Variants in EVC observed in about 807,000 individuals in gnomAD.
EVC encodes the protein EvC ciliary complex subunit 1, also known as evC complex member EVC.
EVC carries 116 observed loss-of-function variants against 118.9 expected under a neutral mutation model. The ratio of observed to expected loss-of-function variants is 0.98; its 90% confidence interval spans 0.84 to 1.14. The LOEUF is 1.14. Among genes scored for constraint, EVC ranks in the 50% most tolerant of loss-of-function variants. The pLI is 0.00. For synonymous variants in EVC, 619 were observed against 534.7 expected, an observed-to-expected ratio of 1.16 and a Z score of -2.18; for missense variants, 1,401 against 1,246.4, an observed-to-expected ratio of 1.12 and a Z score of -1.87.
At chr4:5,794,345 A>ATATT (rs1560420145) in intron 13 of EVC, among the ~76,000 whole-genome samples, 37 of 52,832 alleles carry the variant, frequency 7.0e-4, no homozygotes, top group African/African-American at 1.7e-3. Flanking sequence ...TTATATACTT[A>ATATT]TATATATATT....
At chr4:5,751,065 T>C (rs897205771) in intron 8 of EVC, among the ~76,000 whole-genome samples, 2 of 152,178 alleles carry the variant, frequency 1.3e-5, no homozygotes, top group African/African-American at 4.8e-5. Flanking sequence ...AAAAAACAGC[T>C]GCCAAGACAG....
At chr4:5,770,541 A>T (rs546354916) in intron 11 of EVC, among the ~76,000 whole-genome samples, 2 of 152,178 alleles carry the variant, frequency 1.3e-5, no homozygotes, top group Non-Finnish European at 2.9e-5. Flanking sequence ...GCCTCGTAAC[A>T]TTCTAGTGGG....
chr4:5,752,076 G>A (rs1284758934), intron 8 of EVC, among the ~76,000 whole-genome samples: 1 of 152,058 alleles, frequency 6.6e-6, no homozygotes, highest in African/African-American at 2.4e-5. Flanking sequence ...TGGGGAGCAG[G>A]ACTGGCCTGT....
chr4:5,742,468 C>T lies in EVC; in HGVS notation c.801+654C>T, dbSNP rs1728745370. 6.6e-6 allele frequency among the ~76,000 whole-genome samples: 1 copy of T among 152,092 alleles called. No homozygotes were observed. The highest frequency in any genetic ancestry group is 1.5e-5 in the Non-Finnish European group (1 of 68,016). ...CAGTTTTATTTTGTATCACCATCAC[C>T]ACCACTATTACTATCACAGTTCTCT... On this transcript the variant is annotated intron_variant, in intron 6 of 20. Coordinates refer to ENST00000264956, the MANE Select transcript of EVC (RefSeq NM_153717.3). The surrounding 1 kb of genome is among the most constrained non-coding windows in gnomAD (Gnocchi z 5.2).
intron 2 of EVC, 56 bp from the exon 3 acceptor site, chr4:5,729,251 A>G (rs1399503877): frequency 1.3e-6 from 2 of 1,565,278 alleles, no homozygotes; most frequent in Non-Finnish European, 1.8e-6. Context: ...AAACTTGACA[A>G]CTTATCCTTC....
chr4:5,794,241 ATATATATATTTATATGTATTTATATATT>A (rs1713345559), intron 13 of EVC, among the ~76,000 whole-genome samples: 7 of 73,620 alleles, frequency 9.5e-5, no homozygotes, highest in Non-Finnish European at 2.2e-4. Context: ...ATATATATTT[ATATATATATTTATATGTATTTATATATT>A]TATATATATT....
At chr4:5,711,839 C>T (rs1332025945) in intron 1 of EVC, among the ~76,000 whole-genome samples, 3 of 152,218 alleles carry the variant, frequency 2.0e-5, no homozygotes, top group Non-Finnish European at 4.4e-5. Flanking sequence ...ATCTGCAGCA[C>T]CAAGGGTTTG....
rs763301589 is a variant in EVC at position 5,808,241 on chromosome 4, G to A, written c.2602G>A (p.Val868Met). The A allele has an allele frequency of 1.2e-6, 2 of 1,601,582 alleles. No individual in the cohort carries two copies. Among genetic ancestry groups the A allele is most frequent in the Non-Finnish European group, 1.7e-6 (2 of 1,173,410 alleles). ...GAAGAGGTTCCTGGCCCAGTTCCCAGTGCACCAGCAGATGCGTCTGCACGC... is the reference window on the plus strand; with the variant it reads ...GAAGAGGTTCCTGGCCCAGTTCCCAATGCACCAGCAGATGCGTCTGCACGC... ...QQKRFLAQFP[V>M]HQQMRLHAQQ... Residue 868 changes from valine (V) to methionine (M), a missense_variant, in exon 18 of 21, where the codon GTG becomes ATG. Coordinates refer to ENST00000264956, the MANE Select transcript of EVC (RefSeq NM_153717.3).
intron 12 of EVC, among the ~76,000 whole-genome samples, chr4:5,784,845 T>G (rs1736181627): frequency 6.6e-6 from 1 of 152,154 alleles, no homozygotes; most frequent in Non-Finnish European, 1.5e-5. Context: ...TGAACTCAAG[T>G]GATCTGCCCG....
the EVC span, chr4:5,825,395 A>G: frequency 6.8e-7 from 1 of 1,469,846 alleles, no homozygotes; most frequent in Non-Finnish European, 8.9e-7. This position sits in a 1 kb window ranked among gnomAD's most constrained non-coding sequence, Gnocchi z 4.4. Flanking sequence ...TTCTTCATCT[A>G]GTGTCCAAGG....
chr4:5,768,307 A>C (rs541508243), intron 11 of EVC, among the ~76,000 whole-genome samples: 1 of 152,138 alleles, frequency 6.6e-6, no homozygotes, highest in African/African-American at 2.4e-5. Context: ...TGTGGTTTCC[A>C]TGAGGAAAAC....
In EVC at chr4:5,769,730, G is replaced by A. The variant is rs546148900; in HGVS notation, c.1563+13368G>A. Among the ~76,000 whole-genome samples the A allele has an allele frequency of 2.6e-5, 4 of 152,266 alleles. No individual in the cohort carries two copies. In the South Asian group the frequency reaches 6.2e-4, roughly 24 times the overall value. On this transcript the variant is annotated intron_variant, in intron 11 of 20. Coordinates refer to ENST00000264956, the MANE Select transcript of EVC (RefSeq NM_153717.3). ...TTTCTCTTGAAAGGCTCTGGGAGAA[G>A]GTGGTAAAATCACAGCCCTGTCATG...
intron 5 of EVC, among the ~76,000 whole-genome samples, chr4:5,735,131 G>A (rs1727461513): frequency 6.6e-6 from 1 of 152,230 alleles, no homozygotes; most frequent in Admixed American, 6.5e-5. Context: ...GGCAGCCTCT[G>A]CCTTTGTGGA....
Position 5,810,380 on chromosome 4 carries a change from G to T in EVC, c.2824G>T (p.Glu942Ter), listed in dbSNP as rs1716699619. Residue 942 changes from glutamate (E) to a stop codon, truncating the protein, a stop_gained, in exon 20 of 21, where the codon GAA becomes TAA. Coordinates refer to ENST00000264956, the MANE Select transcript of EVC (RefSeq NM_153717.3). LOFTEE classifies it high-confidence loss of function. Reference sequence around the variant, plus strand: ...TAAAAGGAAGAAGCCCCTGCCCCAGGAAAGAGGGGACCTGGGGGTGCCCAA... The same window carrying T: ...TAAAAGGAAGAAGCCCCTGCCCCAGTAAAGAGGGGACCTGGGGGTGCCCAA... ...RTKRKKPLPQ[E>*]RGDLGVPNNE... 1 of 1,613,910 alleles carries T rather than the reference G, an allele frequency of 6.2e-7. No individual in the cohort carries two copies. The highest frequency in any genetic ancestry group is 1.7e-5 in the Admixed American group (1 of 59,988).
At chr4:5,724,725 A>G (rs1348166880) in intron 2 of EVC, among the ~76,000 whole-genome samples, 2 of 150,100 alleles carry the variant, frequency 1.3e-5, no homozygotes, top group Non-Finnish European at 3.0e-5. Context: ...ACTTCTTGAA[A>G]CCTTTTCTTC....
intron 15 of EVC, among the ~76,000 whole-genome samples, chr4:5,799,340 C>T (rs576097897): frequency 1.3e-5 from 2 of 152,284 alleles, no homozygotes; most frequent in East Asian, 1.9e-4. Context: ...GTCACATTAG[C>T]GTTGCACTTA....
rs114621329 is a variant in EVC at position 5,719,230 on chromosome 4, C to T, written c.175-18C>T. 6.2e-7 allele frequency: 1 copy of T among 1,614,014 alleles called. No individual in the cohort carries two copies. Among genetic ancestry groups the T allele is most frequent in the Non-Finnish European group, 8.5e-7 (1 of 1,180,000 alleles). On this transcript the variant is annotated intron_variant, in intron 1 of 20. Transcript: ENST00000264956. The surrounding 1 kb of genome is among the most constrained non-coding windows in gnomAD (Gnocchi z 4.7). Reference sequence around the variant, plus strand: ...TTGTGTTTCTATCCACCCCCAACTCCTGACCTTCGGGTTTTAGAAAGACGA... The same window carrying T: ...TTGTGTTTCTATCCACCCCCAACTCTTGACCTTCGGGTTTTAGAAAGACGA...
chr4:5,768,531 A>G (rs1209949192), intron 11 of EVC, among the ~76,000 whole-genome samples: 3 of 152,122 alleles, frequency 2.0e-5, no homozygotes, highest in Non-Finnish European at 2.9e-5. Context: ...GGTAAAGCAT[A>G]TAGAAGAGTG....
chr4:5,736,375 T>C (rs1378974278), intron 5 of EVC, among the ~76,000 whole-genome samples: 2 of 152,180 alleles, frequency 1.3e-5, no homozygotes, highest in African/African-American at 2.4e-5. Flanking sequence ...ATTCAACCAG[T>C]GGCAATTTCC....
Sources: gnomAD v4.1 joint callset for allele counts (sites outside exome capture counted in the v4.1 genomes callset) on GRCh38, gnomAD v4.1.1 for gene constraint, Gnocchi (gnomAD v3.1) non-coding constraint, MANE v1.5 for transcripts, NCBI Gene and HGNC (gene_info 2026-07-23, HGNC 2026-07-21) for gene names.